The following PPFIA2 variants were observed in gnomAD, a reference collection of about 807,000 sequenced individuals.
PPFIA2 encodes the protein PPFI scaffold protein A2.
PPFIA2 carries 46 observed loss-of-function variants against 175.5 expected under a neutral mutation model. The observed-to-expected ratio is 0.26, with a 90% CI of 0.21 to 0.34. The LOEUF (loss-of-function observed/expected upper bound fraction) is 0.34. Ranked by LOEUF, PPFIA2 falls within the 10% of genes least tolerant of loss-of-function variation. The probability of loss-of-function intolerance (pLI) is 1.00; values close to 1 mark genes in which losing one functional copy is unlikely to be tolerated. For synonymous variants in PPFIA2, 568 were observed against 511.4 expected (o/e 1.11, Z -1.49); for missense variants, 1,179 against 1,506.1 (o/e 0.78, Z 3.60).
chr12:81,473,708 C>G (rs781373809), intron 4 of PPFIA2, among the ~76,000 whole-genome samples: 2 of 152,172 alleles, frequency 1.3e-5, no homozygotes, highest in Non-Finnish European at 2.9e-5. Flanking sequence ...TTTACATCTC[C>G]TTCAAAATAT....
intron 21 of PPFIA2, among the ~76,000 whole-genome samples, chr12:81,335,383 T>C (rs576229694): frequency 1.4e-4 from 21 of 152,300 alleles, no homozygotes; most frequent in African/African-American, 4.8e-4. Context: ...ATATCGGTCC[T>C]GTTGTCATGG....
chr12:81,443,190 GA>G (rs2050550537), intron 6 of PPFIA2, among the ~76,000 whole-genome samples: 1 of 151,818 alleles, frequency 6.6e-6, no homozygotes, highest in African/African-American at 2.4e-5. Context: ...TTGCATATCA[GA>G]TCATATCTAA....
chr12:81,388,970 C>G (rs1566606654), intron 8 of PPFIA2, among the ~76,000 whole-genome samples: 1 of 151,672 alleles, frequency 6.6e-6, no homozygotes, highest in African/African-American at 2.4e-5. Context: ...ATATATATCA[C>G]TCACACACCC....
chr12:81,658,159 T>A (rs757469458), intron 4 of PPFIA2, among the ~76,000 whole-genome samples: 1 of 151,806 alleles, frequency 6.6e-6, no homozygotes, highest in East Asian at 1.9e-4. Context: ...TCACAGCTAC[T>A]TGGGAGGCTG....
intron 4 of PPFIA2, among the ~76,000 whole-genome samples, chr12:81,596,520 T>C (rs190326528): frequency 6.6e-6 from 1 of 152,250 alleles, no homozygotes; most frequent in Non-Finnish European, 1.5e-5. Flanking sequence ...ATCGTTGCAG[T>C]GTGTTTTCAA....
At chr12:81,559,818 T>C (rs1414102908) in intron 4 of PPFIA2, among the ~76,000 whole-genome samples, 1 of 151,798 alleles carries the variant, frequency 6.6e-6, no homozygotes, top group South Asian at 2.1e-4. Context: ...TTTTTTTTGT[T>C]GTTGTTTTTT....
chr12:81,460,439 C>T (rs1223021723), intron 4 of PPFIA2, among the ~76,000 whole-genome samples: 2 of 152,084 alleles, frequency 1.3e-5, no homozygotes, highest in African/African-American at 2.4e-5. Flanking sequence ...TTATCAGCAA[C>T]GTGAAAAAGA....
chr12:81,390,482 G>A (rs1286041047), intron 8 of PPFIA2, among the ~76,000 whole-genome samples: 3 of 151,980 alleles, frequency 2.0e-5, no homozygotes, highest in Non-Finnish European at 4.4e-5. Flanking sequence ...TGGGTGCAAA[G>A]TGATATTTCC....
chr12:81,707,663 C>T lies in PPFIA2; in HGVS notation c.250-30819G>A, dbSNP rs574053332. Among the ~76,000 whole-genome samples the T allele has an allele frequency of 7.2e-3, 1,085 of 150,516 alleles. 20 individuals carry two copies. The highest frequency in any genetic ancestry group is 0.025 in the African/African-American group (1,032 of 41,232). On this transcript the variant is annotated intron_variant, in intron 3 of 32. Transcript: ENST00000549396. ...GAAATACCGTTTGACCCAGCCATCC[C>T]ATTACTGGGTATATACCCAAAGGAC...
intron 18 of PPFIA2, among the ~76,000 whole-genome samples, chr12:81,345,458 TC>T (rs1473565843): frequency 6.6e-6 from 1 of 152,070 alleles, no homozygotes; most frequent in Non-Finnish European, 1.5e-5. Context: ...TCAAGAGAAT[TC>T]ATGAAAGCAC....
intron 4 of PPFIA2, among the ~76,000 whole-genome samples, chr12:81,510,060 T>C (rs1014015452): frequency 1.2e-4 from 19 of 152,278 alleles, no homozygotes; most frequent in Admixed American, 1.2e-3. Context: ...GTTCCAAAAG[T>C]TATCTTTACA....
chr12:81,643,336 G>T (rs557673969), intron 4 of PPFIA2, among the ~76,000 whole-genome samples: 238 of 151,818 alleles, frequency 1.6e-3, no homozygotes, highest in Non-Finnish European at 2.2e-3. Context: ...AAATACTTTT[G>T]CAGACACCTT....
At chr12:81,613,671 T>C (rs1433623910) in intron 4 of PPFIA2, among the ~76,000 whole-genome samples, 1 of 152,128 alleles carries the variant, frequency 6.6e-6, no homozygotes, top group Non-Finnish European at 1.5e-5. Flanking sequence ...GTTTAAGAGA[T>C]AATAAGTTTC....
chr12:81,523,666 C>A (rs543329127), intron 4 of PPFIA2, among the ~76,000 whole-genome samples: 1 of 152,170 alleles, frequency 6.6e-6, no homozygotes, highest in Non-Finnish European at 1.5e-5. Context: ...GGTATCTGTA[C>A]ACTGTGCTGC....
chr12:81,567,765 C>T (rs1192217851), intron 4 of PPFIA2, among the ~76,000 whole-genome samples: 1 of 152,186 alleles, frequency 6.6e-6, no homozygotes, highest in Non-Finnish European at 1.5e-5. Flanking sequence ...CTTCATTTGG[C>T]TGGTCCTGAT....
chr12:81,593,962 C>T lies in PPFIA2; in HGVS notation c.303+82829G>A, dbSNP rs183861161. On this transcript the variant is annotated intron_variant, in intron 4 of 32. Transcript: ENST00000549396. ...AGTGGGCAAGTGAGCAAAGCTTCAT[C>T]TGTATTTACAGCTGCTCCCCATTAC... 1.6e-4 allele frequency among the ~76,000 whole-genome samples: 24 copies of T among 152,280 alleles called. No individual in the cohort carries two copies. In the East Asian group the frequency reaches 4.4e-3, roughly 28 times the overall value.
chr12:81,402,528 G>A (rs2042257315), intron 8 of PPFIA2, among the ~76,000 whole-genome samples: 1 of 152,040 alleles, frequency 6.6e-6, no homozygotes, highest in South Asian at 2.1e-4. Context: ...TCAGGATACT[G>A]TTTTATGTTT....
chr12:81,619,097 C>T (rs1324899585), intron 4 of PPFIA2, among the ~76,000 whole-genome samples: 1 of 152,138 alleles, frequency 6.6e-6, no homozygotes, highest in Non-Finnish European at 1.5e-5. Context: ...CATTCAGTAA[C>T]GGCCTTAGAA....
chr12:81,662,632 G>A (rs375322410), intron 4 of PPFIA2, among the ~76,000 whole-genome samples: 1 of 152,164 alleles, frequency 6.6e-6, no homozygotes, highest in South Asian at 2.1e-4. Flanking sequence ...ACAAGGAGGA[G>A]CTGGTACCAT....
Sources: allele counts gnomAD v4.1 joint callset (sites outside exome capture counted in the v4.1 genomes callset), GRCh38; gene constraint gnomAD v4.1.1; transcripts MANE v1.5; gene names NCBI Gene and HGNC (gene_info 2026-07-23, HGNC 2026-07-21).